Variants in AKAP6 observed in about 807,000 individuals in gnomAD.
AKAP6 encodes A-kinase anchoring protein 6.
In AKAP6, 58 loss-of-function variants were observed where a neutral mutation model predicts 188.5. That is an observed-to-expected ratio of 0.31 (90% CI 0.25 to 0.38). AKAP6 has a LOEUF of 0.38. Ranked by LOEUF, AKAP6 falls within the 10% of genes least tolerant of loss-of-function variation. The pLI is 1.00. For missense variants in AKAP6, 2,710 were observed against 2,740.0 expected (o/e 0.99, Z 0.24); for synonymous variants, 989 against 998.6 (o/e 0.99, Z 0.18).
intron 2 of AKAP6, among the ~76,000 whole-genome samples, chr14:32,534,850 A>C (rs976708283): frequency 1.3e-5 from 2 of 151,920 alleles, no homozygotes; most frequent in African/African-American, 4.8e-5. Context: ...CTGTAATCTC[A>C]GCTACTTGGG....
intron 8 of AKAP6, among the ~76,000 whole-genome samples, chr14:32,694,581 T>A (rs1890322180): frequency 6.6e-6 from 1 of 152,178 alleles, no homozygotes; most frequent in African/African-American, 2.4e-5. Flanking sequence ...TAACCGTCAT[T>A]GGCATCCAGT....
intron 12 of AKAP6, among the ~76,000 whole-genome samples, chr14:32,803,127 A>G (rs1049097339): frequency 6.6e-6 from 1 of 152,046 alleles, no homozygotes; most frequent in African/African-American, 2.4e-5. Context: ...AAGATTTTTT[A>G]AAAGGAAATA....
chr14:32,370,913 G>T (rs1389119793), intron 1 of AKAP6, among the ~76,000 whole-genome samples: 1 of 152,142 alleles, frequency 6.6e-6, no homozygotes, highest in Non-Finnish European at 1.5e-5. Flanking sequence ...GACTCATTAT[G>T]ACTCTTGGTT....
At chr14:32,808,511 G>A (rs1338727260) in intron 12 of AKAP6, among the ~76,000 whole-genome samples, 4 of 152,140 alleles carry the variant, frequency 2.6e-5, no homozygotes, top group Admixed American at 6.5e-5. Context: ...AACTCACCTC[G>A]TCTAAATTGA....
intron 8 of AKAP6, among the ~76,000 whole-genome samples, chr14:32,687,448 CTT>C (rs1206567589): frequency 8.4e-5 from 11 of 130,960 alleles, no homozygotes; most frequent in Non-Finnish European, 1.6e-4. Context: ...CTCTTTCTCT[CTT>C]TCTCTTTTTT....
chr14:32,603,979 C>T (rs1276463371), intron 7 of AKAP6, among the ~76,000 whole-genome samples: 1 of 151,774 alleles, frequency 6.6e-6, no homozygotes, highest in East Asian at 1.9e-4. Context: ...AAATAGGTGA[C>T]GTTGGGCTAA....
At chr14:32,549,546 A>G (rs1354313201) in intron 4 of AKAP6, among the ~76,000 whole-genome samples, 5 of 152,344 alleles carry the variant, frequency 3.3e-5, no homozygotes, top group African/African-American at 1.2e-4. Flanking sequence ...AGGTATGGAA[A>G]GGCCATGAAG....
chr14:32,348,270 G>T (rs2138435023), intron 1 of AKAP6, among the ~76,000 whole-genome samples: 1 of 152,304 alleles, frequency 6.6e-6, no homozygotes, highest in African/African-American at 2.4e-5. Context: ...GATAGAGCAA[G>T]AATAACCAGT....
chr14:32,779,088 A>G (rs986527393), intron 12 of AKAP6, among the ~76,000 whole-genome samples: 6 of 152,018 alleles, frequency 3.9e-5, no homozygotes, highest in Non-Finnish European at 7.4e-5. Context: ...ACTGAGTTAC[A>G]TGTTGCCTAT....
At chr14:32,702,083 A>G (rs1187984840) in intron 9 of AKAP6, among the ~76,000 whole-genome samples, 1 of 152,184 alleles carries the variant, frequency 6.6e-6, no homozygotes, top group Non-Finnish European at 1.5e-5. Flanking sequence ...AATGTTCTAG[A>G]TATATCAGGC....
chr14:32,651,440 T>C (rs1259155940), intron 7 of AKAP6, among the ~76,000 whole-genome samples: 1 of 152,212 alleles, frequency 6.6e-6, no homozygotes, highest in Non-Finnish European at 1.5e-5. Flanking sequence ...TTTACTATAA[T>C]AATATACCTG....
At chr14:32,813,199 C>T (rs2034283751) in intron 12 of AKAP6, among the ~76,000 whole-genome samples, 1 of 152,092 alleles carries the variant, frequency 6.6e-6, no homozygotes, top group African/African-American at 2.4e-5. Context: ...CTCACATTTA[C>T]CAGTTTATTT....
intron 4 of AKAP6, among the ~76,000 whole-genome samples, chr14:32,566,657 C>CA (rs1884205009): frequency 6.6e-6 from 1 of 151,912 alleles, no homozygotes; most frequent in Non-Finnish European, 1.5e-5. Flanking sequence ...GGAGTTCGAA[C>CA]AAAAAAAGGC....
chr14:32,801,710 G>C (rs2033953832), intron 12 of AKAP6, among the ~76,000 whole-genome samples: 1 of 152,088 alleles, frequency 6.6e-6, no homozygotes, highest in Non-Finnish European at 1.5e-5. Flanking sequence ...AAACCACCCA[G>C]GTTTTGTTTG....
chr14:32,451,243 G>A (rs961487947), intron 2 of AKAP6, among the ~76,000 whole-genome samples: 27 of 152,106 alleles, frequency 1.8e-4, no homozygotes, highest in African/African-American at 6.3e-4. Flanking sequence ...AAACTCATAA[G>A]AAGAAAACAT....
chr14:32,775,533 A>G (rs1266721065), intron 12 of AKAP6, among the ~76,000 whole-genome samples: 1 of 151,874 alleles, frequency 6.6e-6, no homozygotes, highest in East Asian at 2.0e-4. Context: ...CCTGGGCTCA[A>G]GTGATCCCCC....
intron 1 of AKAP6, among the ~76,000 whole-genome samples, chr14:32,379,332 T>C (rs767265703): frequency 9.2e-5 from 14 of 152,234 alleles, no homozygotes; most frequent in Non-Finnish European, 1.9e-4. Flanking sequence ...TCATTTTTCC[T>C]GTGTCTTCTT....
At chr14:32,343,913 G>A (rs942998847) in intron 1 of AKAP6, among the ~76,000 whole-genome samples, 4 of 151,982 alleles carry the variant, frequency 2.6e-5, no homozygotes, top group African/African-American at 4.8e-5. Context: ...TGGTCATAAC[G>A]TTCTCTGAAT....
intron 1 of AKAP6, among the ~76,000 whole-genome samples, chr14:32,427,764 A>C (rs1421039524): frequency 2.0e-5 from 3 of 152,186 alleles, no homozygotes; most frequent in Non-Finnish European, 4.4e-5. Flanking sequence ...TGTCCATATG[A>C]ATAGGTTCTA....
Sources: gnomAD v4.1 joint callset for allele counts (sites outside exome capture counted in the v4.1 genomes callset) on GRCh38, gnomAD v4.1.1 for gene constraint, MANE v1.5 for transcripts, NCBI Gene and HGNC (gene_info 2026-07-23, HGNC 2026-07-21) for gene names.